Variants in LRMDA observed in about 807,000 individuals in gnomAD.
LRMDA encodes the protein leucine-rich melanocyte differentiation-associated protein.
A neutral mutation model predicts 29.8 loss-of-function variants in LRMDA; 18 were observed. The observed-to-expected ratio is 0.60, with a 90% CI of 0.42 to 0.90. The LOEUF (loss-of-function observed/expected upper bound fraction) is 0.90. Among genes scored for constraint, LRMDA ranks in the 40% least tolerant of loss-of-function variants. The pLI is 0.00. For synonymous variants in LRMDA, 125 were observed against 109.4 expected, an observed-to-expected ratio of 1.14 and a Z score of -0.89; for missense variants, 273 against 273.9, an observed-to-expected ratio of 1.00 and a Z score of 0.02.
intron 2 of LRMDA, among the ~76,000 whole-genome samples, chr10:75,909,754 T>C (rs1208629489): frequency 6.6e-6 from 1 of 152,184 alleles, no homozygotes; most frequent in African/African-American, 2.4e-5. Flanking sequence ...ATTAAACAAG[T>C]TAATATACAT....
Position 75,489,757 on chromosome 10 carries a change from T to C in LRMDA, c.131+51263T>C, listed in dbSNP as rs974576657. ...TGAGGGGGCTTGAGTGCTAGAACTA[T>C]TCCATTGAAAATGGTCCTTGTTGGG... On this transcript the variant is annotated intron_variant, in intron 2 of 6. Transcript: ENST00000611255. 3.9e-5 allele frequency among the ~76,000 whole-genome samples: 6 copies of C among 152,326 alleles called. No homozygotes were observed. In the South Asian group the frequency reaches 8.3e-4, roughly 21 times the overall value.
At position 76,431,289 on chromosome 10, in the gene LRMDA, G is replaced by A. The variant is rs536447508; in HGVS notation, c.601+106804G>A. On this transcript the variant is annotated intron_variant, in intron 6 of 6. Transcript: ENST00000611255. ...TGCAGAGAGGAGCATGGATGCGAACGGGCCCATAACTAGGAGCTTTTTGCT... is the reference window on the plus strand; with the variant it reads ...TGCAGAGAGGAGCATGGATGCGAACAGGCCCATAACTAGGAGCTTTTTGCT... Among the ~76,000 whole-genome samples the A allele has an allele frequency of 5.9e-5, 9 of 152,206 alleles. No homozygotes were observed. The South Asian group carries it at 8.3e-4, about 14-fold the overall frequency.
At chr10:76,141,147 G>A (rs1850191651) in intron 5 of LRMDA, among the ~76,000 whole-genome samples, 1 of 151,984 alleles carries the variant, frequency 6.6e-6, no homozygotes, top group South Asian at 2.1e-4. Context: ...CTTTCAGCAG[G>A]CTCAAACTTT....
rs897878621 is a variant in LRMDA at position 75,695,446 on chromosome 10, C to A, written c.131+256952C>A. Among the ~76,000 whole-genome samples, 5 of 151,294 alleles carry A rather than the reference C, an allele frequency of 3.3e-5. No individual in the cohort carries two copies. In the East Asian group the frequency reaches 9.7e-4, roughly 29 times the overall value. On this transcript the variant is annotated intron_variant, in intron 2 of 6. Transcript: ENST00000611255. ...TATGCATTTGTTTGCTTCTGCATTTCTGTTGCCCCAGAGCTTTTTGAAAAA... is the reference window on the plus strand; with the variant it reads ...TATGCATTTGTTTGCTTCTGCATTTATGTTGCCCCAGAGCTTTTTGAAAAA...
intron 2 of LRMDA, among the ~76,000 whole-genome samples, chr10:75,978,130 G>A (rs1013280317): frequency 7.9e-5 from 12 of 152,350 alleles, no homozygotes; most frequent in Admixed American, 3.9e-4. Context: ...TGGAGCAAGG[G>A]ATGGATGGTG....
intron 2 of LRMDA, among the ~76,000 whole-genome samples, chr10:75,657,312 A>G (rs901586553): frequency 1.3e-5 from 2 of 152,234 alleles, no homozygotes; most frequent in African/African-American, 4.8e-5. Context: ...TGGAGTGGTC[A>G]GAAAGATCTT....
At position 76,319,896 on chromosome 10, in the gene LRMDA, A is replaced by G. The variant is rs568732907; in HGVS notation, c.517-4505A>G. ...TCTTAGATGGTATTTTGTGAAAAAC[A>G]GTGGGAGATTTATGGCTATTAAACA... On this transcript the variant is annotated intron_variant, in intron 5 of 6. Transcript: ENST00000611255. 5.9e-5 allele frequency among the ~76,000 whole-genome samples: 9 copies of G among 152,310 alleles called. No individual in the cohort carries two copies. In the South Asian group the frequency reaches 1.7e-3, roughly 28 times the overall value.
In LRMDA at chr10:75,761,410, T is replaced by C. The variant is rs374288398; in HGVS notation, c.132-274598T>C. Among the ~76,000 whole-genome samples the C allele has an allele frequency of 1.1e-4, 17 of 152,350 alleles. No individual in the cohort carries two copies. In the East Asian group the frequency reaches 2.1e-3, roughly 19 times the overall value. On this transcript the variant is annotated intron_variant, in intron 2 of 6. Transcript: ENST00000611255. The stretch of plus-strand genomic sequence containing the variant: ...CACGGATGAATCTTGAACACACTTA[T>C]GCTAAGTGAAATAAACCAGTCACAG...
intron 2 of LRMDA, among the ~76,000 whole-genome samples, chr10:75,966,972 C>A (rs1041665796): frequency 3.3e-5 from 5 of 152,236 alleles, no homozygotes; most frequent in Non-Finnish European, 7.3e-5. Context: ...AAGGCTGTTG[C>A]CTTCACACAG....
intron 5 of LRMDA, among the ~76,000 whole-genome samples, chr10:76,122,735 G>GATGAAC (rs1849811536): frequency 6.6e-6 from 1 of 152,206 alleles, no homozygotes; most frequent in South Asian, 2.1e-4. Flanking sequence ...GAGGGATGGA[G>GATGAAC]ATGAACATGA....
chr10:76,443,889 T>C (rs1842328233), intron 6 of LRMDA, among the ~76,000 whole-genome samples: 2 of 152,204 alleles, frequency 1.3e-5, no homozygotes. Context: ...ATTGGTTTCT[T>C]CTCCTGATTT....
intron 2 of LRMDA, among the ~76,000 whole-genome samples, chr10:76,027,457 G>A (rs770026652): frequency 6.6e-6 from 1 of 152,166 alleles, no homozygotes; most frequent in Non-Finnish European, 1.5e-5. Context: ...GAAAATGACT[G>A]ATAAACTCCT....
At chr10:75,755,718 A>T (rs1388521987) in intron 2 of LRMDA, among the ~76,000 whole-genome samples, 1 of 152,246 alleles carries the variant, frequency 6.6e-6, no homozygotes, top group Non-Finnish European at 1.5e-5. Context: ...GGCTGACGCA[A>T]CCTTGGAGTG....
chr10:76,434,369 A>G (rs1474010237), intron 6 of LRMDA, among the ~76,000 whole-genome samples: 1 of 145,006 alleles, frequency 6.9e-6, no homozygotes, highest in Non-Finnish European at 1.5e-5. Flanking sequence ...CTCCCCTCCT[A>G]TCTCTTCACT....
At chr10:76,548,450 CAAAAA>C (rs11340326) in intron 6 of LRMDA, among the ~76,000 whole-genome samples, 8 of 137,738 alleles carry the variant, frequency 5.8e-5, no homozygotes, top group Admixed American at 7.3e-5. Flanking sequence ...TGGCTTGGAC[CAAAAA>C]AAAAAAAAAA....
At chr10:76,428,050 T>C (rs2132280065) in intron 6 of LRMDA, among the ~76,000 whole-genome samples, 1 of 152,302 alleles carries the variant, frequency 6.6e-6, no homozygotes, top group Non-Finnish European at 1.5e-5. Flanking sequence ...ATCAGGGATA[T>C]TGGTCTAAAA....
At chr10:76,547,786 G>A (rs1478229118) in intron 6 of LRMDA, among the ~76,000 whole-genome samples, 10 of 152,072 alleles carry the variant, frequency 6.6e-5, no homozygotes, top group African/African-American at 2.2e-4. Flanking sequence ...CATCCATCAC[G>A]GACCCGCACT....
chr10:76,359,640 C>T (rs1274405433), intron 6 of LRMDA, among the ~76,000 whole-genome samples: 1 of 152,132 alleles, frequency 6.6e-6, no homozygotes, highest in Non-Finnish European at 1.5e-5. Flanking sequence ...TTGAAGAGAT[C>T]CCCATATTCC....
chr10:76,090,207 G>T (rs900713416), intron 5 of LRMDA, among the ~76,000 whole-genome samples: 1 of 152,192 alleles, frequency 6.6e-6, no homozygotes, highest in African/African-American at 2.4e-5. Flanking sequence ...CCATTGCCTG[G>T]ACTGCCTTTC....
Sources: gnomAD v4.1 joint callset for allele counts (sites outside exome capture counted in the v4.1 genomes callset) on GRCh38, gnomAD v4.1.1 for gene constraint, MANE v1.5 for transcripts, NCBI Gene and HGNC (gene_info 2026-07-23, HGNC 2026-07-21) for gene names.